PSEN2: variants seen among roughly 807,000 people sequenced by gnomAD.
PSEN2 encodes the protein presenilin-2.
Under a neutral mutation model 49.1 loss-of-function variants are expected in PSEN2, and 32 were observed. That is an observed-to-expected ratio of 0.65 (90% confidence interval 0.49 to 0.88). The LOEUF (loss-of-function observed/expected upper bound fraction) is 0.88. Ranked by LOEUF, PSEN2 falls within the 40% of genes least tolerant of loss-of-function variation. PSEN2 has a pLI of 0.00. For synonymous variants in PSEN2, 255 were observed against 244.0 expected (o/e 1.05, Z -0.42); for missense variants, 522 against 586.9 (o/e 0.89, Z 1.14).
At chr1:226,891,446 T>C (rs937425718) in intron 10 of PSEN2, 85 bp downstream of exon 10, 3 of 1,198,414 alleles carry the variant, frequency 2.5e-6, no homozygotes, top group Non-Finnish European at 3.6e-6. Flanking sequence ...CTGGCTTCCC[T>C]GAGAGGCATG....
At position 226,879,072 on chromosome 1, in the gene PSEN2, A is replaced by G. The variant is rs572649526; in HGVS notation, c.-20-2816A>G. Among the ~76,000 whole-genome samples, 13 of 152,162 alleles carry G rather than the reference A, an allele frequency of 8.5e-5. No homozygotes were observed. In the South Asian group the frequency reaches 1.5e-3, roughly 17 times the overall value. ...ATTTTTGTAGAGATGGGGTTTTGCC[A>G]TGTTACCCAGGCTGGTCTTGAACTC... On this transcript the variant is annotated intron_variant, in intron 3 of 12. Coordinates refer to ENST00000366783, the MANE Select transcript of PSEN2 (RefSeq NM_000447.3).
At chr1:226,902,290 T>C (rs895847106) in intron 12 of PSEN2, among the ~76,000 whole-genome samples, 1 of 152,110 alleles carries the variant, frequency 6.6e-6, no homozygotes, top group African/African-American at 2.4e-5. Flanking sequence ...GTAATGCTCA[T>C]CTCCACCGCT....
chr1:226,871,021 T>G (rs1660246092), intron 1 of PSEN2: 1 of 152,168 alleles, frequency 6.6e-6, no homozygotes, highest in East Asian at 1.9e-4. Context: ...GGCCGGTGCA[T>G]TTAAAGGAGC....
chr1:226,874,009 C>T (rs1282671163), intron 2 of PSEN2, among the ~76,000 whole-genome samples: 2 of 152,176 alleles, frequency 1.3e-5, no homozygotes, highest in East Asian at 3.9e-4. Context: ...TGGGCACTCC[C>T]CACCATGGAG....
intron 5 of PSEN2, 33 bp downstream of exon 5, chr1:226,883,952 GTGAGGGCTGAGT>G: frequency 1.4e-6 from 2 of 1,425,360 alleles, no homozygotes; most frequent in Admixed American, 1.8e-5. Context: ...GCAGGGTGGG[GTGAGGGCTGAGT>G]TGCCAGGGGG....
At chr1:226,880,626 A>G (rs1325455203) in intron 3 of PSEN2, 1 of 1,612,158 alleles carries the variant, frequency 6.2e-7, no homozygotes, top group East Asian at 2.2e-5. Flanking sequence ...GCGATAACTC[A>G]GCCTCTGTCC....
intron 8 of PSEN2, among the ~76,000 whole-genome samples, chr1:226,889,681 A>C (rs1452493948): frequency 6.6e-5 from 10 of 152,256 alleles, no homozygotes; most frequent in Non-Finnish European, 1.5e-4. Context: ...TACCATGCAT[A>C]TACATAACCC....
Position 226,890,063 on chromosome 1 carries a change from G to A in PSEN2, c.816G>A (p.Gly272=), listed in dbSNP as rs1288186537. 6.2e-7 allele frequency: 1 copy of A among 1,613,928 alleles called. No individual in the cohort carries two copies. Among genetic ancestry groups the A allele is most frequent in the Non-Finnish European group, 8.5e-7 (1 of 1,179,892 alleles). The change falls in exon 9 of 13, where the codon GGG becomes GGA. Residue 272 remains glycine (G), a synonymous_variant. Coordinates refer to ENST00000366783, the MANE Select transcript of PSEN2 (RefSeq NM_000447.3). ...YDLVAVLCPK[G]PLRMLVETAQ... is the part of the protein sequence containing the mutation. Reference sequence around the variant, plus strand: ...TCGTGGCTGTGCTGTGTCCCAAAGGGCCTCTGAGAATGCTGGTAGAAACTG... The same window carrying A: ...TCGTGGCTGTGCTGTGTCCCAAAGGACCTCTGAGAATGCTGGTAGAAACTG...
rs61730652 is a variant in PSEN2 at position 226,888,970 on chromosome 1, T to C, written c.708T>C (p.Ser236=). 9.6e-3 allele frequency: 15,565 copies of C among 1,614,100 alleles called. 309 individuals carry two copies. The highest frequency in any genetic ancestry group is 0.084 in the African/African-American group (6,319 of 74,980). ...VLQQAYLIMI[S]ALMALVFIKY... ...AGCAGGCCTACCTCATCATGATCAGTGCGCTCATGGCCCTAGTGTTCATCA... is the reference window on the plus strand; with the variant it reads ...AGCAGGCCTACCTCATCATGATCAGCGCGCTCATGGCCCTAGTGTTCATCA... The change falls in exon 8 of 13, where the codon AGT becomes AGC. Residue 236 remains serine (S), a synonymous_variant. Coordinates refer to ENST00000366783, the MANE Select transcript of PSEN2 (RefSeq NM_000447.3).
At chr1:226,901,296 C>T (rs191883451), downstream of PSEN2, among the ~76,000 whole-genome samples, 44 of 152,078 alleles carry the variant, frequency 2.9e-4, no homozygotes, top group Admixed American at 5.9e-4. Context: ...ATTAGCTGGG[C>T]GTGGTGGCGG....
At position 226,902,014 on chromosome 1, in the gene PSEN2, G is replaced by A. The variant is rs977305588; in HGVS notation, c.1192-6508G>A. Among the ~76,000 whole-genome samples, 8 of 152,112 alleles carry A rather than the reference G, an allele frequency of 5.3e-5. 1 individual carries two copies. Among genetic ancestry groups the A allele is most frequent in the African/African-American group, 4.8e-5 (2 of 41,406 alleles). On this transcript the variant is annotated intron_variant, in intron 12 of 14. Transcript: ENST00000676945. ...TCTCCCAGGAGGTAGGGAAGGGGCC[G>A]CATCCATGGAGAGAGGAGGATGTGA...
intron 3 of PSEN2, among the ~76,000 whole-genome samples, chr1:226,878,057 A>T (rs1660745681): frequency 6.6e-6 from 1 of 151,492 alleles, no homozygotes; most frequent in East Asian, 1.9e-4. Context: ...CTTTCCAGGG[A>T]TTGTCTTTTT....
intron 8 of PSEN2, 123 bp downstream of exon 8, chr1:226,889,172 G>A (rs1194507804): frequency 3.4e-6 from 3 of 883,930 alleles, no homozygotes; most frequent in South Asian, 3.2e-5. Context: ...AGGCCTGGGT[G>A]GGATCCCTCC....
chr1:226,875,779 C>T (rs1013743197), intron 3 of PSEN2, among the ~76,000 whole-genome samples: 2 of 152,178 alleles, frequency 1.3e-5, no homozygotes, highest in African/African-American at 4.8e-5. Flanking sequence ...GAACTGCTGA[C>T]ACAAGCACGG....
chr1:226,898,361 T>C (rs1662219194), downstream of PSEN2: 2 of 152,276 alleles, frequency 1.3e-5, no homozygotes, highest in African/African-American at 2.4e-5. Context: ...ACAGCTGTGC[T>C]GCAGTGAGCA....
intron 4 of PSEN2, among the ~76,000 whole-genome samples, chr1:226,882,363 T>C (rs1661057408): frequency 6.6e-6 from 1 of 152,204 alleles, no homozygotes; most frequent in Admixed American, 6.5e-5. Flanking sequence ...GCCTGGGTGC[T>C]AGGACAGGTA....
chr1:226,876,166 C>T (rs1379652208), intron 3 of PSEN2, among the ~76,000 whole-genome samples: 1 of 152,080 alleles, frequency 6.6e-6, no homozygotes, highest in Non-Finnish European at 1.5e-5. Context: ...TGGACAGACA[C>T]CTAGCAGTGT....
chr1:226,888,940 G>A lies in PSEN2; in HGVS notation c.678G>A (p.Val226=). The A allele has an allele frequency of 6.2e-7, 1 of 1,614,200 alleles. No individual in the cohort carries two copies. Among genetic ancestry groups the A allele is most frequent in the Non-Finnish European group, 8.5e-7 (1 of 1,180,034 alleles). Residue 226 remains valine (V), a synonymous_variant, in exon 8 of 13, where the codon GTG becomes GTA. Coordinates refer to ENST00000366783, the MANE Select transcript of PSEN2 (RefSeq NM_000447.3). The part of the protein sequence containing the change: ...MVCIHWKGPL[V]LQQAYLIMIS... ...GCATCCACTGGAAGGGCCCTCTGGT[G>A]CTGCAGCAGGCCTACCTCATCATGA...
chr1:226,890,248 G>C, intron 9 of PSEN2, 115 bp downstream of exon 9: 3 of 863,518 alleles, frequency 3.5e-6, no homozygotes, highest in Non-Finnish European at 5.9e-6. Context: ...TCCCAGGAGG[G>C]TCTCCACTTT....
Sources: gnomAD v4.1 joint callset for allele counts (sites outside exome capture counted in the v4.1 genomes callset) on GRCh38, gnomAD v4.1.1 for gene constraint, MANE v1.5 for transcripts, NCBI Gene and HGNC (gene_info 2026-07-23, HGNC 2026-07-21) for gene names.